Variants in KHDRBS1 observed in about 807,000 individuals in gnomAD.
KHDRBS1 encodes the protein KH RNA binding domain containing, signal transduction associated 1.
In KHDRBS1, 7 loss-of-function variants were observed where a neutral mutation model predicts 48.4. That is an observed-to-expected ratio of 0.14 (90% confidence interval 0.08 to 0.27). KHDRBS1 has a LOEUF of 0.27. Ranked by LOEUF, KHDRBS1 falls within the 10% of genes least tolerant of loss-of-function variation. The pLI is 1.00. For synonymous variants in KHDRBS1, 241 were observed against 235.8 expected (o/e 1.02, Z -0.20); for missense variants, 458 against 601.2 (o/e 0.76, Z 2.49).
rs543116549 is a variant in KHDRBS1, at chr1:32,017,685, G to A, written c.382+3308G>A. On this transcript the variant is annotated intron_variant, in intron 1 of 8. Coordinates refer to ENST00000327300, the MANE Select transcript of KHDRBS1 (RefSeq NM_006559.3). Reference sequence around the variant, plus strand: ...TGCAATGGCGCGATCTTGGCTCACCGCAACCTCCACCTCCCAGGTTCAAGC... The same window carrying A: ...TGCAATGGCGCGATCTTGGCTCACCACAACCTCCACCTCCCAGGTTCAAGC... Among the ~76,000 whole-genome samples the A allele has an allele frequency of 1.1e-4, 13 of 123,624 alleles. No individual in the cohort carries two copies. The East Asian group carries it at 2.3e-3, about 22-fold the overall frequency. 81.1% of individuals were successfully genotyped at this position (123,624 alleles called of 152,430 possible). A position where few individuals can be genotyped will look rare whatever the true frequency, so the allele number is the denominator to read the frequency against.
intron 1 of KHDRBS1, among the ~76,000 whole-genome samples, chr1:32,019,078 A>G (rs1638803272): frequency 6.6e-6 from 1 of 152,134 alleles, no homozygotes; most frequent in Admixed American, 6.6e-5. Flanking sequence ...AGCCTGGGCG[A>G]CAGAGCGAGA....
chr1:32,042,707 C>G lies in KHDRBS1; in HGVS notation c.*83C>G, dbSNP rs1215608353. 2.4e-6 allele frequency: 2 copies of G among 820,776 alleles called. No individual in the cohort carries two copies. Among genetic ancestry groups the G allele is most frequent in the Non-Finnish European group, 4.1e-6 (2 of 488,424 alleles). 50.8% of individuals were successfully genotyped at this position (820,776 alleles called of 1,614,324 possible). On this transcript the variant is annotated 3_prime_UTR_variant, in exon 9 of 9. Coordinates refer to ENST00000327300, the MANE Select transcript of KHDRBS1 (RefSeq NM_006559.3). ...TCTCCCAGGATTCCTGTTGCTTTAC[C>G]CACAACAGACAAGTAATTGTCTAAG...
At chr1:32,020,077 TTTTGTTTG>T (rs139181817) in intron 1 of KHDRBS1, among the ~76,000 whole-genome samples, 1 of 151,668 alleles carries the variant, frequency 6.6e-6, no homozygotes, top group Non-Finnish European at 1.5e-5. Context: ...CCAATGCAGG[TTTTGTTTG>T]TTTGTTTGTT....
Position 32,015,229 on chromosome 1 carries a change from TGA to T in KHDRBS1, c.382+856_382+857del. 2.6e-5 allele frequency among the ~76,000 whole-genome samples: 4 copies of T among 152,302 alleles called. No individual in the cohort carries two copies. In the Middle Eastern group the frequency reaches 0.014, roughly 518 times the overall value. ...ATTCAGTAGTGAAATAGATTAGAAA[TGA>T]GAGTCTTTGTTCTGTAGGTTAGCGC... On this transcript the variant is annotated intron_variant, in intron 1 of 8. Transcript: ENST00000327300.
At chr1:32,037,505 T>C (rs1639205818) in intron 5 of KHDRBS1, among the ~76,000 whole-genome samples, 1 of 152,098 alleles carries the variant, frequency 6.6e-6, no homozygotes, top group African/African-American at 2.4e-5. Context: ...AGTGCTGCAG[T>C]CTAGCTGAAA....
intron 10 of KHDRBS1, among the ~76,000 whole-genome samples, chr1:32,059,259 G>A (rs1442726165): frequency 6.6e-6 from 1 of 151,600 alleles, no homozygotes; most frequent in East Asian, 1.9e-4. Flanking sequence ...GGAGATGGTA[G>A]CGCCATTTAA....
At chr1:32,035,953 T>C (rs1300803219) in intron 4 of KHDRBS1, among the ~76,000 whole-genome samples, 3 of 152,028 alleles carry the variant, frequency 2.0e-5, no homozygotes, top group Non-Finnish European at 4.4e-5. Context: ...GAATTAAGAA[T>C]CCCTCAGGTG....
chr1:32,022,547 G>T (rs1194006472), intron 1 of KHDRBS1, among the ~76,000 whole-genome samples: 3 of 152,054 alleles, frequency 2.0e-5, no homozygotes, highest in Non-Finnish European at 2.9e-5. Flanking sequence ...ACTCGCTCTG[G>T]ATACTTAGAA....
At chr1:32,016,366 A>C (rs1638740844) in intron 1 of KHDRBS1, among the ~76,000 whole-genome samples, 1 of 152,192 alleles carries the variant, frequency 6.6e-6, no homozygotes, top group Non-Finnish European at 1.5e-5. Flanking sequence ...AATTTGCCTA[A>C]GGTAACAAAA....
At chr1:32,045,512 C>T (rs1351906634), downstream of KHDRBS1, 1 of 152,480 alleles carries the variant, frequency 6.6e-6, no homozygotes, top group South Asian at 2.1e-4. Context: ...TCATTTGTAC[C>T]TTATTTACGA....
intron 1 of KHDRBS1, among the ~76,000 whole-genome samples, chr1:32,024,209 TGCCACTGCACTCCA>T (rs1179080320): frequency 6.6e-6 from 1 of 151,944 alleles, no homozygotes; most frequent in African/African-American, 2.4e-5. Context: ...GCTGAGATTG[TGCCACTGCACTCCA>T]GCCTGGGCGA....
intron 10 of KHDRBS1, chr1:32,052,747 A>G (rs184929630): frequency 7.9e-5 from 12 of 152,216 alleles, no homozygotes; most frequent in Non-Finnish European, 1.5e-4. Flanking sequence ...AAAAAAAGTC[A>G]TGTTATTACC....
chr1:32,044,432 C>T (rs1639334677), downstream of KHDRBS1, among the ~76,000 whole-genome samples: 1 of 152,228 alleles, frequency 6.6e-6, no homozygotes. Flanking sequence ...TCTGAACCCC[C>T]TCCTAAGAGA....
At chr1:32,032,173 C>G (rs943153429) in intron 3 of KHDRBS1, among the ~76,000 whole-genome samples, 2 of 151,952 alleles carry the variant, frequency 1.3e-5, no homozygotes, top group African/African-American at 4.8e-5. Flanking sequence ...TTTTTTTTCC[C>G]CATGCCATAG....
At chr1:32,049,666 ATT>A (rs927296646) in intron 10 of KHDRBS1, among the ~76,000 whole-genome samples, 2 of 137,660 alleles carry the variant, frequency 1.5e-5, no homozygotes, top group Non-Finnish European at 1.6e-5. Flanking sequence ...TTTATTTTTT[ATT>A]TTTTTTTTTT....
At chr1:32,055,308 C>T (rs1052894586) in intron 10 of KHDRBS1, among the ~76,000 whole-genome samples, 2 of 152,204 alleles carry the variant, frequency 1.3e-5, no homozygotes, top group African/African-American at 4.8e-5. Context: ...ATTAGCCGGA[C>T]GTGGTGGCGC....
At chr1:32,031,129 C>T (rs1639074310) in intron 2 of KHDRBS1, among the ~76,000 whole-genome samples, 2 of 152,072 alleles carry the variant, frequency 1.3e-5, no homozygotes, top group Admixed American at 1.3e-4. Context: ...TGCACCTGTA[C>T]CCAGCTACTC....
intron 10 of KHDRBS1, among the ~76,000 whole-genome samples, chr1:32,055,551 A>G (rs1639471892): frequency 6.6e-6 from 1 of 152,168 alleles, no homozygotes; most frequent in African/African-American, 2.4e-5. Flanking sequence ...GTTTAAAGCT[A>G]GCAAGCATCT....
chr1:32,022,698 A>G (rs963561673), intron 1 of KHDRBS1, among the ~76,000 whole-genome samples: 6 of 151,982 alleles, frequency 3.9e-5, no homozygotes, highest in Non-Finnish European at 8.8e-5. Flanking sequence ...AGACCATCCT[A>G]GCTAACACGG....
Sources: gnomAD v4.1 joint callset for allele counts (sites outside exome capture counted in the v4.1 genomes callset) on GRCh38, gnomAD v4.1.1 for gene constraint, MANE v1.5 for transcripts, NCBI Gene and HGNC (gene_info 2026-07-23, HGNC 2026-07-21) for gene names.